Variants in EIF2B3 observed in about 807,000 individuals in gnomAD.
EIF2B3 encodes the protein translation initiation factor eIF2B subunit gamma.
EIF2B3 carries 20 observed loss-of-function variants against 54.1 expected under a neutral mutation model. The ratio of observed to expected loss-of-function variants is 0.37; its 90% CI spans 0.26 to 0.54. EIF2B3 has a LOEUF of 0.54. Among genes scored for constraint, EIF2B3 ranks in the 20% least tolerant of loss-of-function variants. EIF2B3 has a pLI of 0.86. For synonymous variants in EIF2B3, 153 were observed against 188.1 expected (o/e 0.81, Z 1.52); for missense variants, 448 against 547.8 (o/e 0.82, Z 1.82).
intron 5 of EIF2B3, among the ~76,000 whole-genome samples, chr1:44,909,700 T>A (rs1643476721): frequency 6.6e-6 from 1 of 152,230 alleles, no homozygotes; most frequent in Non-Finnish European, 1.5e-5. Flanking sequence ...ACAAGATACC[T>A]TGGGAAAGGT....
In EIF2B3 at chr1:44,881,825, C is replaced by G. The variant is rs1655411091; in HGVS notation, c.657-86G>C. On this transcript the variant is annotated intron_variant, in intron 6 of 11. Coordinates refer to ENST00000360403, the MANE Select transcript of EIF2B3 (RefSeq NM_020365.5). The surrounding 1 kb of genome is among the most constrained non-coding windows in gnomAD (Gnocchi z 4.0). ...AAGCTCTGTGCATACAAGGAAAAGC[C>G]AAATCCTTTCCTGTCATGGCACCTT... 1.9e-6 allele frequency: 3 copies of G among 1,554,906 alleles called. No homozygotes were observed. Among genetic ancestry groups the G allele is most frequent in the Non-Finnish European group, 2.6e-6 (3 of 1,136,754 alleles).
chr1:44,958,525 T>C lies in EIF2B3; in HGVS notation c.295-16860A>G, dbSNP rs371204440. On this transcript the variant is annotated intron_variant, in intron 3 of 11. Coordinates refer to ENST00000360403, the MANE Select transcript of EIF2B3 (RefSeq NM_020365.5). ...TACTGCGTTTTTCTTTTATGGGCTG[T>C]CTTTAGCTTCTGGAGACCTCACTAT... is the stretch of plus-strand genomic sequence containing the variant. The C allele has an allele frequency of 6.4e-5, 81 of 1,266,810 alleles. 1 individual carries two copies. In the African/African-American group the frequency reaches 1.1e-3, roughly 17 times the overall value. The allele number at this position is 1,266,810 out of a possible 1,614,324, so 78.5% of individuals were successfully genotyped here. A position where few individuals can be genotyped will look rare whatever the true frequency, so the allele number is the denominator to read the frequency against.
chr1:44,926,566 G>A (rs1643853254), intron 5 of EIF2B3, 62 bp downstream of exon 5: 1 of 1,295,526 alleles, frequency 7.7e-7, no homozygotes. Context: ...CCCATCCACT[G>A]GGTGGTTTTA....
At chr1:44,922,451 G>A (rs1643767066) in intron 5 of EIF2B3, among the ~76,000 whole-genome samples, 2 of 151,606 alleles carry the variant, frequency 1.3e-5, no homozygotes, top group Admixed American at 6.6e-5. Context: ...GCTGGGCATG[G>A]TGGTGGGCGC....
intron 4 of EIF2B3, among the ~76,000 whole-genome samples, chr1:44,937,986 A>G (rs1171838660): frequency 2.8e-5 from 4 of 143,724 alleles, no homozygotes; most frequent in African/African-American, 1.0e-4. Flanking sequence ...CCCTCTTAGT[A>G]TCAGTATCTC....
intron 6 of EIF2B3, among the ~76,000 whole-genome samples, chr1:44,884,796 G>C (rs1324698722): frequency 6.6e-6 from 1 of 152,156 alleles, no homozygotes; most frequent in African/African-American, 2.4e-5. Context: ...AGACCAAAAA[G>C]AACTGTCACT....
intron 4 of EIF2B3, among the ~76,000 whole-genome samples, chr1:44,936,548 G>A (rs907673115): frequency 9.2e-5 from 14 of 152,040 alleles, no homozygotes; most frequent in African/African-American, 2.7e-4. Context: ...CCAAGATCGC[G>A]CCATTGCACT....
chr1:44,882,438 CTT>C (rs200259851), intron 6 of EIF2B3, among the ~76,000 whole-genome samples: 1 of 142,584 alleles, frequency 7.0e-6, no homozygotes, highest in Non-Finnish European at 1.5e-5. Flanking sequence ...TGGGAGAAAA[CTT>C]TTTTTTTTTT....
chr1:44,867,367 G>C (rs1654814274), intron 10 of EIF2B3, among the ~76,000 whole-genome samples: 1 of 152,030 alleles, frequency 6.6e-6, no homozygotes. Flanking sequence ...AGAAAGATGG[G>C]CAGGAGCTTT....
chr1:44,879,712 G>T, intron 8 of EIF2B3, 106 bp downstream of exon 8: 1 of 1,319,138 alleles, frequency 7.6e-7, no homozygotes, highest in South Asian at 1.2e-5. Context: ...CCTTGGGAAT[G>T]ACAGGGATTC....
intron 5 of EIF2B3, among the ~76,000 whole-genome samples, chr1:44,907,008 C>A (rs781225537): frequency 6.6e-6 from 1 of 152,188 alleles, no homozygotes; most frequent in Non-Finnish European, 1.5e-5. Context: ...GACACCACTA[C>A]ACTTCTCAAC....
chr1:44,867,399 C>A (rs1044910471), intron 10 of EIF2B3, among the ~76,000 whole-genome samples: 12 of 152,142 alleles, frequency 7.9e-5, no homozygotes, highest in African/African-American at 2.9e-4. Flanking sequence ...CTCGCCTACA[C>A]CTTCTCCAAG....
At chr1:44,934,541 T>C (rs1402640621) in intron 4 of EIF2B3, among the ~76,000 whole-genome samples, 1 of 152,122 alleles carries the variant, frequency 6.6e-6, no homozygotes, top group Non-Finnish European at 1.5e-5. Flanking sequence ...AATTTTGTTC[T>C]TGTTGCCCAG....
At chr1:44,943,936 GGAGTTT>G (rs1644067687) in intron 3 of EIF2B3, among the ~76,000 whole-genome samples, 1 of 151,980 alleles carries the variant, frequency 6.6e-6, no homozygotes. Context: ...CCTGAGTTCA[GGAGTTT>G]GAGACCAGCC....
intron 3 of EIF2B3, chr1:44,959,260 C>T: frequency 1.4e-6 from 1 of 692,334 alleles, no homozygotes; most frequent in South Asian, 1.5e-5. Flanking sequence ...ATTTTCAGTT[C>T]AGACCTTTTT....
intron 3 of EIF2B3, among the ~76,000 whole-genome samples, chr1:44,973,118 G>A (rs2148961438): frequency 6.6e-6 from 1 of 152,266 alleles, no homozygotes; most frequent in South Asian, 2.1e-4. Context: ...AAATGGTATA[G>A]CCACTGTGGA....
chr1:44,928,495 G>A (rs919909191), intron 4 of EIF2B3, among the ~76,000 whole-genome samples: 1 of 146,574 alleles, frequency 6.8e-6, no homozygotes, highest in Non-Finnish European at 1.5e-5. Flanking sequence ...TATTTAGGGC[G>A]CTTCGTTTTT....
chr1:44,941,957 A>G (rs1196220505), intron 3 of EIF2B3, among the ~76,000 whole-genome samples: 1 of 152,120 alleles, frequency 6.6e-6, no homozygotes, highest in Admixed American at 6.6e-5. Context: ...CACATTGTCT[A>G]TTTCTATGAC....
intron 3 of EIF2B3, among the ~76,000 whole-genome samples, chr1:44,951,954 A>ATTTTTTTTTTTTTTTTTTTTTTTTTTT (rs1171020644): frequency 2.2e-5 from 1 of 44,652 alleles, no homozygotes; most frequent in Non-Finnish European, 3.6e-5. Context: ...TGCCTGGCTA[A>ATTTTTTTTTTTTTTTTTTTTTTTTTTT]TTTTTTTTTT....
Sources: gnomAD v4.1 joint callset for allele counts (sites outside exome capture counted in the v4.1 genomes callset) on GRCh38, gnomAD v4.1.1 for gene constraint, Gnocchi (gnomAD v3.1) non-coding constraint, MANE v1.5 for transcripts, NCBI Gene and HGNC (gene_info 2026-07-23, HGNC 2026-07-21) for gene names.